The following SPACDR variants were observed in gnomAD, a reference collection of about 807,000 sequenced individuals.
The protein encoded by SPACDR is uncharacterized protein C7orf61.
chr7:100,457,858 T>TATATA, the SPACDR span, among the ~76,000 whole-genome samples: 6 of 81,334 alleles, frequency 7.4e-5, no homozygotes, highest in East Asian at 9.9e-4. Context: ...TATATATATA[T>TATATA]TTTTTTTTTT....
the SPACDR span, among the ~76,000 whole-genome samples, chr7:100,458,819 C>T: frequency 1.3e-5 from 2 of 151,852 alleles, no homozygotes; most frequent in Admixed American, 6.6e-5. Flanking sequence ...CCCATCTAAT[C>T]GGGAGGCTGA....
At chr7:100,463,797 C>T in the SPACDR span, 90 of 1,240,712 alleles carry the variant, frequency 7.3e-5, 1 homozygote, top group Non-Finnish European at 1.0e-4. Flanking sequence ...TTCCTGGCCT[C>T]TCTTCCTTCT....
the SPACDR span, chr7:100,456,740 C>T: frequency 6.3e-7 from 1 of 1,578,172 alleles, no homozygotes; most frequent in South Asian, 1.2e-5. Context: ...CTCTAAGGGT[C>T]TGGGGTTCCC....
At chr7:100,462,007 G>C in the SPACDR span, among the ~76,000 whole-genome samples, 6 of 143,684 alleles carry the variant, frequency 4.2e-5, no homozygotes, top group Non-Finnish European at 7.6e-5. Context: ...AAAAAAAAAG[G>C]CCTCACCTGA....
the SPACDR span, among the ~76,000 whole-genome samples, chr7:100,458,767 A>G: frequency 1.3e-5 from 2 of 152,028 alleles, no homozygotes; most frequent in African/African-American, 4.8e-5. Context: ...CTCTACTAAA[A>G]ATACAAAAAA....
chr7:100,458,041 T>C, the SPACDR span, among the ~76,000 whole-genome samples: 5 of 151,548 alleles, frequency 3.3e-5, no homozygotes, highest in Non-Finnish European at 5.9e-5. Context: ...TGACCTGCAA[T>C]TGGAAGAAAT....
the SPACDR span, among the ~76,000 whole-genome samples, chr7:100,457,797 A>ATGTGTG: frequency 2.7e-3 from 59 of 22,072 alleles, no homozygotes; most frequent in Admixed American, 0.01. Flanking sequence ...ACTTTTATAT[A>ATGTGTG]TATATATGTG....
chr7:100,464,137 T>C, the SPACDR span: 2 of 1,539,346 alleles, frequency 1.3e-6, no homozygotes, highest in South Asian at 2.4e-5. Flanking sequence ...TCTTGAGGGG[T>C]CTCCTGTGAG....
the SPACDR span, among the ~76,000 whole-genome samples, chr7:100,461,900 G>A: frequency 6.6e-6 from 1 of 150,982 alleles, no homozygotes; most frequent in Non-Finnish European, 1.5e-5. Flanking sequence ...GGCTGAGGCA[G>A]GAGAACGGTG....
the SPACDR span, among the ~76,000 whole-genome samples, chr7:100,458,197 T>G: frequency 8.8e-5 from 1 of 11,322 alleles, no homozygotes; most frequent in East Asian, 2.2e-3. Flanking sequence ...TACTCACTGG[T>G]GTGTGTGTGT....
the SPACDR span, among the ~76,000 whole-genome samples, chr7:100,458,492 C>T: frequency 6.6e-6 from 1 of 152,150 alleles, no homozygotes; most frequent in Admixed American, 6.6e-5. Context: ...TCTTCTCCCC[C>T]TATCTCTGTG....
the SPACDR span, among the ~76,000 whole-genome samples, chr7:100,458,194 T>TGGTG: frequency 1.0e-5 from 1 of 97,776 alleles, no homozygotes; most frequent in Non-Finnish European, 2.1e-5. Context: ...TTGTACTCAC[T>TGGTG]GGTGTGTGTG....
the SPACDR span, among the ~76,000 whole-genome samples, chr7:100,463,179 G>A: frequency 6.6e-6 from 1 of 151,818 alleles, no homozygotes; most frequent in African/African-American, 2.4e-5. Flanking sequence ...TTGCTATGTT[G>A]CCCAGGCTGG....
chr7:100,457,153 G>A, the SPACDR span, among the ~76,000 whole-genome samples: 1 of 151,012 alleles, frequency 6.6e-6, no homozygotes, highest in Non-Finnish European at 1.5e-5. Context: ...TGCATCAAAT[G>A]TTTGTCATTT....
At chr7:100,461,608 C>A in the SPACDR span, among the ~76,000 whole-genome samples, 6 of 151,904 alleles carry the variant, frequency 3.9e-5, no homozygotes, top group Non-Finnish European at 7.4e-5. Context: ...CCCTGGACAC[C>A]CCTCCCACTC....
the SPACDR span, chr7:100,463,308 G>A: frequency 7.3e-7 from 1 of 1,372,220 alleles, no homozygotes; most frequent in Non-Finnish European, 1.0e-6. Flanking sequence ...TCAGAGGGAG[G>A]GGTGAGTCAC....
At chr7:100,459,608 T>C in the SPACDR span, among the ~76,000 whole-genome samples, 1 of 151,926 alleles carries the variant, frequency 6.6e-6, no homozygotes, top group African/African-American at 2.4e-5. Flanking sequence ...TCCGTCTTTT[T>C]AGAATTTTAT....
the SPACDR span, among the ~76,000 whole-genome samples, chr7:100,461,838 A>G: frequency 6.6e-6 from 1 of 151,818 alleles, no homozygotes. Flanking sequence ...AAATACAAAA[A>G]AAAATTTAGC....
At chr7:100,464,110 G>A in the SPACDR span, 28 of 1,540,544 alleles carry the variant, frequency 1.8e-5, no homozygotes, top group African/African-American at 3.8e-4. Context: ...GGGGTGGGCT[G>A]TGGGCCGGTG....
Sources: gnomAD v4.1 joint callset for allele counts (sites outside exome capture counted in the v4.1 genomes callset) on GRCh38, gnomAD v4.1.1 for gene constraint, MANE v1.5 for transcripts, NCBI Gene and HGNC (gene_info 2026-07-23, HGNC 2026-07-21) for gene names.